The following PASK variants were observed in gnomAD, a reference collection of about 807,000 sequenced individuals.
The protein encoded by PASK is PAS domain containing serine/threonine kinase, also known as PAS domain-containing serine/threonine-protein kinase.
In PASK, 110 loss-of-function variants were observed where a neutral mutation model predicts 121.0. That is an observed-to-expected ratio of 0.91 (90% CI 0.78 to 1.06). The LOEUF (loss-of-function observed/expected upper bound fraction) is 1.06, where lower values mean the gene tolerates loss of function less well. Among genes scored for constraint, PASK ranks in the 50% least tolerant of loss-of-function variants. The pLI, the probability that PASK is intolerant of heterozygous loss-of-function variation, is 0.00. For synonymous variants in PASK, 686 were observed against 717.8 expected, an observed-to-expected ratio of 0.96 and a Z score of 0.71; for missense variants, 1,643 against 1,702.3, an observed-to-expected ratio of 0.97 and a Z score of 0.61.
intron 1 of PASK, among the ~76,000 whole-genome samples, chr2:241,145,071 G>A (rs929905796): frequency 1.1e-4 from 17 of 152,076 alleles, no homozygotes; most frequent in African/African-American, 2.7e-4. Context: ...CCGCCACCAC[G>A]CCTGGCTAAT....
At chr2:241,132,814 A>T in intron 9 of PASK, 60 bp downstream of exon 9, 3 of 1,351,746 alleles carry the variant, frequency 2.2e-6, no homozygotes, top group Non-Finnish European at 3.2e-6. Flanking sequence ...CTTGTTCCTC[A>T]TTCACCTACC....
chr2:241,131,562 G>A (rs535234078), intron 9 of PASK, among the ~76,000 whole-genome samples: 1 of 152,276 alleles, frequency 6.6e-6, no homozygotes, highest in South Asian at 2.1e-4. Flanking sequence ...CACAGACACA[G>A]CAATAAGCAG....
intron 2 of PASK, among the ~76,000 whole-genome samples, chr2:241,141,936 T>A (rs2066717132): frequency 6.6e-6 from 1 of 152,016 alleles, no homozygotes; most frequent in South Asian, 2.1e-4. Context: ...GCCCTGTACC[T>A]CCGGCTCCCA....
intron 7 of PASK, 100 bp downstream of exon 7, chr2:241,136,904 G>T: frequency 8.8e-7 from 1 of 1,136,524 alleles, no homozygotes; most frequent in Non-Finnish European, 1.3e-6. Flanking sequence ...GAGCTGGAGA[G>T]CTTGCCGGGT....
chr2:241,126,774 G>A lies in PASK; in HGVS notation c.2141C>T (p.Ala714Val), dbSNP rs778553939. The A allele has an allele frequency of 6.2e-7, 1 of 1,614,050 alleles. No individual in the cohort carries two copies. Among genetic ancestry groups the A allele is most frequent in the Admixed American group, 1.7e-5 (1 of 60,028 alleles). Reference sequence around the variant, plus strand: ...GAGGTCCGTGGCCAAGGCATAGCAGGCTGAGGAGCTGCCCGTGCAGCCACC... The same window carrying A: ...GAGGTCCGTGGCCAAGGCATAGCAGACTGAGGAGCTGCCCGTGCAGCCACC... ...LCGGCTGSSS[A>V]CYALATDLPG... is the part of the protein sequence containing the mutation. Residue 714 changes from alanine to valine, a missense_variant, in exon 10 of 18, where the codon GCC (alanine) becomes GTC (valine). Ala to Val is a moderately conservative substitution (Grantham distance 64). Transcript: ENST00000234040.
At position 241,122,907 on chromosome 2, in the gene PASK, G is replaced by C; in HGVS notation, c.2905-8C>G. 1.2e-6 allele frequency: 2 copies of C among 1,613,492 alleles called. No individual in the cohort carries two copies. The highest frequency in any genetic ancestry group is 1.7e-6 in the Non-Finnish European group (2 of 1,179,570). On this transcript the variant is annotated splice_region_variant and splice_polypyrimidine_tract_variant and intron_variant, in intron 11 of 17. Transcript: ENST00000234040. ...GGGTCTGGCTCTGAGCACCTGCAAT[G>C]CAGAAGAAGGTCTGTGGGGTCACAT...
At chr2:241,128,647 G>C (rs908402895) in intron 9 of PASK, among the ~76,000 whole-genome samples, 1 of 152,300 alleles carries the variant, frequency 6.6e-6, no homozygotes, top group Non-Finnish European at 1.5e-5. Flanking sequence ...CACTGTGGGA[G>C]GCTGAGCCCA....
At position 241,108,207 on chromosome 2, in the gene PASK, G is replaced by C; in HGVS notation, c.3627C>G (p.Thr1209=). 2 of 1,613,778 alleles carry C rather than the reference G, an allele frequency of 1.2e-6. No individual in the cohort carries two copies. Among genetic ancestry groups the C allele is most frequent in the Non-Finnish European group, 1.7e-6 (2 of 1,179,934 alleles). The change falls in exon 16 of 18, where the codon ACC becomes ACG. Residue 1209 remains threonine (T), a synonymous_variant. Transcript: ENST00000234040. The surrounding 1 kb of genome is among the most constrained non-coding windows in gnomAD (Gnocchi z 5.2). ...ATGGCGGGTGTATGGCAGCCTCCACGGTCTCCTCCAGCTCACAGAAGGGGT... is the reference window on the plus strand; with the variant it reads ...ATGGCGGGTGTATGGCAGCCTCCACCGTCTCCTCCAGCTCACAGAAGGGGT... ...EENPFCELEE[T]VEAAIHPPYL... is the part of the protein sequence containing the mutation.
rs993179500 is a variant in PASK at position 241,106,316 on chromosome 2, A to C, written c.*250T>G. 2 of 542,326 alleles carry C rather than the reference A, an allele frequency of 3.7e-6. No homozygotes were observed. Among genetic ancestry groups the C allele is most frequent in the African/African-American group, 3.8e-5 (2 of 52,762 alleles). 33.6% of individuals were successfully genotyped at this position (542,326 alleles called of 1,614,324 possible). A position where few individuals can be genotyped will look rare whatever the true frequency, so the allele number is the denominator to read the frequency against. On this transcript the variant is annotated 3_prime_UTR_variant, in exon 18 of 18. Transcript: ENST00000234040. ...GAAGTTCACAAATTAAAAGCCCTTT[A>C]ATAATATAAAACAGTTGAACACTGG...
At chr2:241,121,065 C>A (rs954200900) in intron 12 of PASK, among the ~76,000 whole-genome samples, 6 of 152,130 alleles carry the variant, frequency 3.9e-5, no homozygotes, top group African/African-American at 9.7e-5. Flanking sequence ...ATGAAAGAAT[C>A]CAGTGACAAA....
chr2:241,114,111 G>A (rs1056916), intron 14 of PASK: 67,102 of 984,958 alleles, frequency 0.068, 2,579 homozygotes, highest in African/African-American at 0.15. Flanking sequence ...TACTCTGTTT[G>A]CTGTAAAAAG....
chr2:241,136,372 G>A lies in PASK; in HGVS notation c.1138-333C>T, dbSNP rs1166227265. ...TGTGTTTGCAAGCCTCACCTCACGC[G>A]GCTCACTGGTGGCCGGAACAGTGAC... On this transcript the variant is annotated intron_variant, in intron 7 of 17. Transcript: ENST00000234040. 2.6e-5 allele frequency among the ~76,000 whole-genome samples: 4 copies of A among 152,192 alleles called. No individual in the cohort carries two copies. In the East Asian group the frequency reaches 5.8e-4, roughly 22 times the overall value.
Position 241,126,384 on chromosome 2 carries a change from G to T in PASK, c.2531C>A (p.Pro844Gln), listed in dbSNP as rs36082918. Reference protein sequence around the residue: ...EHYAASDRESPGHVPSTLDAG... With the variant: ...EHYAASDRESQGHVPSTLDAG... ...ATCCAACGTGGAAGGAACGTGTCCT[G>T]GGCTTTCTCTGTCGCTTGCTGCATA... The change falls in exon 10 of 18, where the codon CCA becomes CAA. Residue 844 changes from proline (P) to glutamine (Q), a missense_variant. By Grantham distance (76) the Pro-to-Gln change is moderately conservative. Around this residue, in one of 3 missense-constraint regions of PASK, gnomAD observed 1,176 missense variants for 1,162.2 expected, o/e 1.01. Transcript: ENST00000234040. 6.5e-3 allele frequency: 10,422 copies of T among 1,614,226 alleles called. 600 individuals are homozygous for T. The African/African-American group carries it at 0.12, about 19-fold the overall frequency.
chr2:241,150,067 C>T (rs189782014), upstream of PASK: 6 of 1,295,612 alleles, frequency 4.6e-6, no homozygotes, highest in African/African-American at 7.7e-5. Flanking sequence ...GCACGTAGGA[C>T]TGGCCCGCAC....
upstream of PASK, chr2:241,149,697 C>G: frequency 6.4e-7 from 1 of 1,551,148 alleles, no homozygotes; most frequent in East Asian, 2.4e-5. Flanking sequence ...TCCCGACTCG[C>G]GATCAAAATG....
Position 241,149,403 on chromosome 2 carries a change from A to G in PASK, c.-43+11T>C, listed in dbSNP as rs1297734637. On this transcript the variant is annotated intron_variant, in intron 1 of 17. Transcript: ENST00000234040. ...GAGCCCGGCCCGCTCTCCCGAGCGC[A>G]GGTATCTCACCTGGATCAGGCGAGG... 6.6e-6 allele frequency: 3 copies of G among 451,748 alleles called. No individual in the cohort carries two copies. The highest frequency in any genetic ancestry group is 4.1e-5 in the African/African-American group (2 of 48,330). 28.0% of individuals were successfully genotyped at this position (451,748 alleles called of 1,614,324 possible). A position where few individuals can be genotyped will look rare whatever the true frequency, so the allele number is the denominator to read the frequency against.
chr2:241,118,411 C>G (rs1347077778), intron 12 of PASK, among the ~76,000 whole-genome samples: 1 of 152,150 alleles, frequency 6.6e-6, no homozygotes, highest in Non-Finnish European at 1.5e-5. Context: ...TGATTTTTGA[C>G]AAGGGTGCCA....
In PASK at chr2:241,115,103, G is replaced by A. The variant is rs758164976; in HGVS notation, c.3273C>T (p.Phe1091=). Residue 1091 remains phenylalanine, a synonymous_variant, in exon 14 of 18, where the codon TTC becomes TTT. Transcript: ENST00000234040. The part of the protein sequence containing the change: ...MEKHGSGLDL[F]AFIDRHPRLD... ...GCCTGGGGTGGCGGTCGATGAAAGC[G>A]AAGAGGTCTAGGCCGGAGCCGTGCT... 4.9e-5 allele frequency: 79 copies of A among 1,614,172 alleles called. No homozygotes were observed. In the Admixed American group the frequency reaches 8.2e-4, roughly 17 times the overall value.
intron 11 of PASK, among the ~76,000 whole-genome samples, chr2:241,123,503 A>G (rs1415083637): frequency 1.3e-5 from 2 of 151,894 alleles, no homozygotes; most frequent in Non-Finnish European, 2.9e-5. Context: ...GTCACACTGG[A>G]TATTAAAAGA....
Sources: gnomAD v4.1 joint callset for allele counts (sites outside exome capture counted in the v4.1 genomes callset) on GRCh38, gnomAD v4.1.1 for gene constraint, gnomAD v4.1.1 regional missense constraint, Gnocchi (gnomAD v3.1) non-coding constraint, MANE v1.5 for transcripts, NCBI Gene and HGNC (gene_info 2026-07-23, HGNC 2026-07-21) for gene names.